WASF1: variants seen among roughly 807,000 people sequenced by gnomAD.
WASF1 encodes the protein actin-binding protein WASF1.
In WASF1, 7 loss-of-function variants were observed where a neutral mutation model predicts 50.5. That is an observed-to-expected ratio of 0.14 (90% CI 0.08 to 0.26). The LOEUF (loss-of-function observed/expected upper bound fraction) is 0.26, where lower values mean the gene tolerates loss of function less well. WASF1 is among the 10% of genes least tolerant of loss of function. The pLI is 1.00. For missense variants in WASF1, 470 were observed against 694.7 expected (o/e 0.68, Z 3.64); for synonymous variants, 205 against 244.0 (o/e 0.84, Z 1.49).
chr6:110,154,596 T>C (rs1270660402), intron 3 of WASF1, among the ~76,000 whole-genome samples: 1 of 152,096 alleles, frequency 6.6e-6, no homozygotes, highest in Non-Finnish European at 1.5e-5. Flanking sequence ...TTACCCATTA[T>C]TATAAACATT....
At chr6:110,134,950 T>C (rs1774878138) in intron 3 of WASF1, among the ~76,000 whole-genome samples, 1 of 152,176 alleles carries the variant, frequency 6.6e-6, no homozygotes, top group Non-Finnish European at 1.5e-5. Flanking sequence ...TGTAGATTGC[T>C]TTTGGCAGTA....
rs1368056593 is a variant in WASF1 at position 110,127,482 on chromosome 6, T to C, written c.120A>G (p.Gln40=). Residue 40 remains glutamine, a synonymous_variant, in exon 4 of 11, where the codon CAA becomes CAG. Transcript: ENST00000392589. ...ATATATACTTACTTAGGCTACTTAGTTGTCTAATTATATTTGCCAAGGAAA... is the reference window on the plus strand; with the variant it reads ...ATATATACTTACTTAGGCTACTTAGCTGTCTAATTATATTTGCCAAGGAAA... ...TNISLANIIR[Q]LSSLSKYAED... is the part of the protein sequence containing the mutation. The C allele has an allele frequency of 3.7e-6, 6 of 1,601,764 alleles. No individual in the cohort carries two copies. The highest frequency in any genetic ancestry group is 5.1e-6 in the Non-Finnish European group (6 of 1,174,592).
chr6:110,176,695 G>C (rs1194525005), intron 2 of WASF1, among the ~76,000 whole-genome samples: 1 of 152,012 alleles, frequency 6.6e-6, no homozygotes, highest in Admixed American at 6.5e-5. Flanking sequence ...AACAACTTTG[G>C]ATTTATGACA....
At chr6:110,121,510 TG>T (rs1283538807) in intron 4 of WASF1, among the ~76,000 whole-genome samples, 1 of 152,068 alleles carries the variant, frequency 6.6e-6, no homozygotes, top group Non-Finnish European at 1.5e-5. Context: ...GTTAGAATGG[TG>T]ATCATTAAAA....
chr6:110,131,103 T>C (rs561755166), intron 3 of WASF1, among the ~76,000 whole-genome samples: 6 of 152,326 alleles, frequency 3.9e-5, no homozygotes, highest in African/African-American at 1.4e-4. Flanking sequence ...GGGAATCTCT[T>C]CTTTCACTTG....
At chr6:110,167,056 T>C (rs1776506876) in intron 2 of WASF1, among the ~76,000 whole-genome samples, 1 of 151,730 alleles carries the variant, frequency 6.6e-6, no homozygotes, top group Admixed American at 6.6e-5. Flanking sequence ...AAAATTCCTA[T>C]CACCTAGTAA....
intron 3 of WASF1, among the ~76,000 whole-genome samples, chr6:110,151,117 TAG>T (rs1204395550): frequency 1.3e-5 from 2 of 152,222 alleles, no homozygotes; most frequent in African/African-American, 4.8e-5. Flanking sequence ...GTGGAATGAC[TAG>T]AGAGAGTAAA....
In WASF1 at chr6:110,164,913, GC is replaced by G. The variant is rs1413185174; in HGVS notation, c.-126-4182del. ...AAAATACATGGGAGGAACCTTAAATGCATATTACCAAGTCAAAGAAGCGAAT... is the reference window on the plus strand; with the variant it reads ...AAAATACATGGGAGGAACCTTAAATGATATTACCAAGTCAAAGAAGCGAAT... On this transcript the variant is annotated intron_variant, in intron 2 of 10. Coordinates refer to ENST00000392589, the MANE Select transcript of WASF1 (RefSeq NM_003931.3). Among the ~76,000 whole-genome samples, 450 of 151,702 alleles carry G rather than the reference GC, an allele frequency of 3.0e-3. 1 individual carries two copies. Among genetic ancestry groups the G allele is most frequent in the African/African-American group, 0.01 (434 of 41,458 alleles).
In WASF1 at chr6:110,127,460, T is replaced by C. The variant is rs185724218; in HGVS notation, c.133+9A>G. 6.6e-5 allele frequency: 104 copies of C among 1,581,826 alleles called. No homozygotes were observed. Among genetic ancestry groups the C allele is most frequent in the Non-Finnish European group, 8.4e-5 (98 of 1,165,698 alleles). On this transcript the variant is annotated intron_variant, in intron 4 of 10. Coordinates refer to ENST00000392589, the MANE Select transcript of WASF1 (RefSeq NM_003931.3). ...TTTGTGAGTATATTTTTAATTGATATATACTTACTTAGGCTACTTAGTTGT... is the reference window on the plus strand; with the variant it reads ...TTTGTGAGTATATTTTTAATTGATACATACTTACTTAGGCTACTTAGTTGT...
intron 3 of WASF1, among the ~76,000 whole-genome samples, chr6:110,143,266 T>C (rs1432235706): frequency 6.6e-6 from 1 of 151,994 alleles, no homozygotes; most frequent in Non-Finnish European, 1.5e-5. Flanking sequence ...TATCTTATAT[T>C]GAAAGCCCTC....
Position 110,158,737 on chromosome 6 carries a change from T to C in WASF1, c.-29+1898A>G, listed in dbSNP as rs574356544. ...TAGCAATTTTTTTTAAAAAAAGATA[T>C]GATTCATGTTGGAGTTAAGAATGAA... is the stretch of plus-strand genomic sequence containing the variant. On this transcript the variant is annotated intron_variant, in intron 3 of 10. Transcript: ENST00000392589. Among the ~76,000 whole-genome samples, 57 of 152,050 alleles carry C rather than the reference T, an allele frequency of 3.7e-4. 1 individual carries two copies. In the South Asian group the frequency reaches 8.7e-3, roughly 23 times the overall value.
At position 110,102,054 on chromosome 6, in the gene WASF1, T is replaced by C; in HGVS notation, c.1056A>G (p.Val352=). ...TGGCTGGAGGTGGAGGTGGGGGAGG[T>C]ACTGGAGGGGGAGGAGTTGAAGTCA... The part of the protein sequence containing the change: ...ASMTSTPPPP[V]PPPPPPPATA... The change falls in exon 10 of 11, where the codon GTA becomes GTG. Residue 352 remains valine, a synonymous_variant. Transcript: ENST00000392589. The C allele has an allele frequency of 1.3e-6, 2 of 1,498,376 alleles. No individual in the cohort carries two copies. The highest frequency in any genetic ancestry group is 1.8e-6 in the Non-Finnish European group (2 of 1,125,498). The allele number at this position is 1,498,376 out of a possible 1,614,324, so 92.8% of individuals were successfully genotyped here. A position where few individuals can be genotyped will look rare whatever the true frequency, so the allele number is the denominator to read the frequency against.
chr6:110,127,544 T>TA lies in WASF1; in HGVS notation c.57dup (p.Arg20Ter). 1 of 1,601,488 alleles carries TA rather than the reference T, an allele frequency of 6.2e-7. No homozygotes were observed. The highest frequency in any genetic ancestry group is 8.5e-7 in the Non-Finnish European group (1 of 1,174,658). Reference sequence around the variant, plus strand: ...CATTCCAGTTCATTCTTAATGCCTCTAGGCAGTGCTGTGTGGCACAAGTGC... The same window carrying TA: ...CATTCCAGTTCATTCTTAATGCCTCTAAGGCAGTGCTGTGTGGCACAAGTGC... On this transcript the variant is annotated frameshift_variant, in exon 4 of 11. Coordinates refer to ENST00000392589, the MANE Select transcript of WASF1 (RefSeq NM_003931.3). LOFTEE classifies it high-confidence loss of function.
chr6:110,145,230 G>A (rs1775498496), intron 3 of WASF1, among the ~76,000 whole-genome samples: 2 of 152,150 alleles, frequency 1.3e-5, no homozygotes. Flanking sequence ...AATTGTGAAT[G>A]GGAGTTCAGT....
chr6:110,166,416 G>A (rs1388634673), intron 2 of WASF1, among the ~76,000 whole-genome samples: 1 of 151,794 alleles, frequency 6.6e-6, no homozygotes, highest in African/African-American at 2.4e-5. Context: ...TGAAGACAAT[G>A]AGAACAGTTA....
At chr6:110,146,547 T>C (rs1415546436) in intron 3 of WASF1, among the ~76,000 whole-genome samples, 2 of 151,740 alleles carry the variant, frequency 1.3e-5, no homozygotes, top group Non-Finnish European at 2.9e-5. Context: ...TTTAAAAATA[T>C]ATATATCTAA....
intron 3 of WASF1, among the ~76,000 whole-genome samples, chr6:110,143,584 A>G (rs2114559798): frequency 6.6e-6 from 1 of 152,290 alleles, no homozygotes; most frequent in East Asian, 1.9e-4. Context: ...TAAAACGTTT[A>G]AAGGACTCCT....
chr6:110,174,417 C>T (rs992532865), intron 2 of WASF1, among the ~76,000 whole-genome samples: 3 of 152,146 alleles, frequency 2.0e-5, no homozygotes, highest in Non-Finnish European at 4.4e-5. Flanking sequence ...CTATGAATCA[C>T]TGGTTTAACA....
intron 6 of WASF1, 75 bp downstream of exon 6, chr6:110,108,453 G>A: frequency 7.0e-7 from 1 of 1,429,036 alleles, no homozygotes; most frequent in South Asian, 1.4e-5. Flanking sequence ...ATGAAATAAA[G>A]AATGTTTGGG....
Sources: allele counts gnomAD v4.1 joint callset (sites outside exome capture counted in the v4.1 genomes callset), GRCh38; gene constraint gnomAD v4.1.1; transcripts MANE v1.5; gene names NCBI Gene and HGNC (gene_info 2026-07-23, HGNC 2026-07-21).